The following MTFR1 variants were observed in gnomAD, a reference collection of about 807,000 sequenced individuals.
The protein encoded by MTFR1 is mitochondrial fission regulator 1.
Under a neutral mutation model 38.8 loss-of-function variants are expected in MTFR1, and 28 were observed. That is an observed-to-expected ratio of 0.72 (90% CI 0.53 to 0.99). MTFR1 has a LOEUF of 0.99. MTFR1 is among the 50% of genes least tolerant of loss of function. The pLI is 0.00. For synonymous variants in MTFR1, 145 were observed against 137.0 expected (o/e 1.06, Z -0.41); for missense variants, 358 against 395.5 (o/e 0.91, Z 0.81).
chr8:65,653,037 G>T (rs1006724144), intron 1 of MTFR1, among the ~76,000 whole-genome samples: 1 of 152,154 alleles, frequency 6.6e-6, no homozygotes, highest in Non-Finnish European at 1.5e-5. Context: ...ATGATTTTAG[G>T]TGGAACAAGA....
At chr8:65,680,899 CTT>C (rs1199113408) in intron 2 of MTFR1, among the ~76,000 whole-genome samples, 8 of 93,632 alleles carry the variant, frequency 8.5e-5, no homozygotes, top group Non-Finnish European at 1.4e-4. Flanking sequence ...AAGCAGTTCT[CTT>C]TTTTTTTTTT....
chr8:65,764,286 G>A (rs563116636), intron 3 of MTFR1, among the ~76,000 whole-genome samples: 11 of 152,284 alleles, frequency 7.2e-5, no homozygotes, highest in Non-Finnish European at 1.0e-4. Context: ...AGAAATGAAC[G>A]ACTGGGAAGA....
chr8:65,759,787 T>G (rs971184051), intron 3 of MTFR1, among the ~76,000 whole-genome samples: 1 of 152,094 alleles, frequency 6.6e-6, no homozygotes, highest in Admixed American at 6.5e-5. Context: ...GGTTTGAGAA[T>G]GGGGAAAGGT....
chr8:65,660,966 C>T (rs1227850619), intron 1 of MTFR1, among the ~76,000 whole-genome samples: 2 of 152,194 alleles, frequency 1.3e-5, no homozygotes, highest in Non-Finnish European at 2.9e-5. Context: ...AGAAGCCATT[C>T]TGAAAAGGCT....
chr8:65,647,486 T>G (rs942599199), intron 1 of MTFR1, among the ~76,000 whole-genome samples: 1 of 152,162 alleles, frequency 6.6e-6, no homozygotes, highest in Non-Finnish European at 1.5e-5. Context: ...TAATTTGTAT[T>G]TTTAGTAGAG....
chr8:65,731,983 A>ATTG (rs1175396332), intron 3 of MTFR1, among the ~76,000 whole-genome samples: 61 of 143,242 alleles, frequency 4.3e-4, no homozygotes, highest in African/African-American at 1.3e-3. Context: ...TATTATTATT[A>ATTG]TTATTGTTGT....
intron 3 of MTFR1, among the ~76,000 whole-genome samples, chr8:65,729,789 G>A (rs547343862): frequency 7.5e-4 from 113 of 151,358 alleles, no homozygotes; most frequent in South Asian, 2.3e-3. Flanking sequence ...GGCTGGTCTC[G>A]AATTCCTAAT....
intron 3 of MTFR1, among the ~76,000 whole-genome samples, chr8:65,765,289 A>G (rs561910268): frequency 6.6e-6 from 1 of 151,626 alleles, no homozygotes; most frequent in Non-Finnish European, 1.5e-5. Context: ...GGAGATCGAG[A>G]CCATCCCGGC....
At chr8:65,727,368 G>A in intron 3 of MTFR1, 1 of 1,587,170 alleles carries the variant, frequency 6.3e-7, no homozygotes, top group Non-Finnish European at 8.6e-7. Context: ...CATCACAGTA[G>A]TTTTGAATTA....
intron 3 of MTFR1, chr8:65,728,333 A>T (rs1806692374): frequency 6.6e-6 from 1 of 152,228 alleles, no homozygotes; most frequent in East Asian, 1.9e-4. Context: ...TTTTAGATTC[A>T]AATTCTATTG....
chr8:65,682,315 T>TA, intron 2 of MTFR1, 38 bp from the exon 3 acceptor site: 1 of 1,074,208 alleles, frequency 9.3e-7, no homozygotes, highest in Non-Finnish European at 1.4e-6. Context: ...GTTCTGTACA[T>TA]CTTGTAATTA....
chr8:65,653,009 A>G (rs1809162266), intron 1 of MTFR1, among the ~76,000 whole-genome samples: 1 of 152,218 alleles, frequency 6.6e-6, no homozygotes, highest in Non-Finnish European at 1.5e-5. Context: ...CAGGAGGGTA[A>G]ACTGCTTTCC....
chr8:65,740,041 A>G (rs1807338052), intron 3 of MTFR1, among the ~76,000 whole-genome samples: 1 of 151,860 alleles, frequency 6.6e-6, no homozygotes, highest in Admixed American at 6.6e-5. Context: ...TTAGGTGGAG[A>G]ATGTGTCTAT....
intron 1 of MTFR1, among the ~76,000 whole-genome samples, chr8:65,662,075 C>CT (rs1563435812): frequency 1.4e-3 from 107 of 78,210 alleles, no homozygotes; most frequent in South Asian, 9.1e-3. Flanking sequence ...CCCTCTCTTT[C>CT]CACAGTCTCC....
At chr8:65,648,789 A>G (rs777156577) in intron 1 of MTFR1, among the ~76,000 whole-genome samples, 7 of 152,180 alleles carry the variant, frequency 4.6e-5, no homozygotes, top group Non-Finnish European at 7.3e-5. Context: ...ATATAAATAT[A>G]TATATAAAGC....
intron 3 of MTFR1, among the ~76,000 whole-genome samples, chr8:65,685,000 G>A (rs1805029837): frequency 6.6e-6 from 1 of 152,056 alleles, no homozygotes; most frequent in Admixed American, 6.6e-5. Context: ...GTGAAACTCT[G>A]TCTCAAAAAA....
intron 3 of MTFR1, chr8:65,720,609 T>G (rs1038022450): frequency 3.9e-5 from 6 of 153,668 alleles, no homozygotes; most frequent in Admixed American, 6.5e-5. Context: ...AATAAGGCTT[T>G]CTTTCTTTCA....
chr8:65,730,171 C>CTTCTTTTTTTTTTTTTTTTTTTTT, intron 3 of MTFR1, among the ~76,000 whole-genome samples: 1 of 86,434 alleles, frequency 1.2e-5, no homozygotes, highest in Non-Finnish European at 2.1e-5. Flanking sequence ...TTGCGCACTT[C>CTTCTTTTTTTTTTTTTTTTTTTTT]TTTTTTTTTT....
At chr8:65,708,777 C>T (rs963887526) in intron 7 of MTFR1, among the ~76,000 whole-genome samples, 199 bp from the exon 8 acceptor site, 4 of 152,216 alleles carry the variant, frequency 2.6e-5, no homozygotes, top group Non-Finnish European at 5.9e-5. Flanking sequence ...AGTTTGGCTA[C>T]TTCTTTACCT....
Sources: allele counts gnomAD v4.1 joint callset (sites outside exome capture counted in the v4.1 genomes callset), GRCh38; gene constraint gnomAD v4.1.1; transcripts MANE v1.5; gene names NCBI Gene and HGNC (gene_info 2026-07-23, HGNC 2026-07-21).